The following TMCC2 variants were observed in gnomAD, a reference collection of about 807,000 sequenced individuals.
TMCC2 encodes the protein transmembrane and coiled-coil domain family 2, also known as transmembrane and coiled-coil domains protein 2.
Under a neutral mutation model 49.4 loss-of-function variants are expected in TMCC2, and 16 were observed. The observed-to-expected ratio is 0.32, with a 90% CI of 0.22 to 0.49. The LOEUF (loss-of-function observed/expected upper bound fraction) is 0.49. Ranked by LOEUF, TMCC2 falls within the 20% of genes least tolerant of loss-of-function variation. TMCC2 has a pLI of 0.99. For missense variants in TMCC2, 762 were observed against 989.8 expected (o/e 0.77, Z 3.09); for synonymous variants, 397 against 434.1 (o/e 0.91, Z 1.06).
chr1:205,232,959 A>C (rs868416960), intron 1 of TMCC2, among the ~76,000 whole-genome samples: 2,114 of 116,204 alleles, frequency 0.018, 41 homozygotes, highest in East Asian at 0.065. Flanking sequence ...AAAAAAAAAA[A>C]ACACAAAAAA....
chr1:205,256,193 C>T (rs868694858), intron 2 of TMCC2: 2 of 1,456,902 alleles, frequency 1.4e-6, no homozygotes, highest in Non-Finnish European at 1.8e-6. Context: ...GAGTTCCTCA[C>T]CAGACTCAAG....
intron 2 of TMCC2, among the ~76,000 whole-genome samples, chr1:205,258,141 C>T (rs1026940865): frequency 6.6e-6 from 1 of 152,090 alleles, no homozygotes; most frequent in African/African-American, 2.4e-5. Flanking sequence ...GAAGCCTCTA[C>T]CTGGTGTCAG....
rs758271157 is a variant in TMCC2, at chr1:205,241,947, G to A, written c.650G>A (p.Arg217His). The A allele has an allele frequency of 1.4e-5, 23 of 1,611,328 alleles. No individual in the cohort carries two copies. The highest frequency in any genetic ancestry group is 2.2e-5 in the East Asian group (1 of 44,844). The change falls in exon 2 of 5, where the codon CGT (arginine) becomes CAT (histidine). Residue 217 changes from arginine to histidine, a missense_variant. Arg to His is a conservative substitution (Grantham distance 29). This residue lies in a region of TMCC2 where 322 missense variants were observed against 353.1 expected (regional missense o/e 0.91). Coordinates refer to ENST00000358024, the MANE Select transcript of TMCC2 (RefSeq NM_014858.4). The surrounding 1 kb of genome is among the most constrained non-coding windows in gnomAD (Gnocchi z 7.3). ...GCCATCCTGCACCAGCACCAGTGCC[G>A]TCCCCGCTCTTCCTCCACCACCGAC... Reference protein sequence around the residue: ...LAAILHQHQCRPRSSSTTDTA... With the variant: ...LAAILHQHQCHPRSSSTTDTA...
intron 2 of TMCC2, among the ~76,000 whole-genome samples, chr1:205,244,636 C>T (rs1660390075): frequency 6.6e-6 from 1 of 152,036 alleles, no homozygotes; most frequent in African/African-American, 2.4e-5. Flanking sequence ...CTCTAGTGGT[C>T]CTAGCCAGAG....
At position 205,269,442 on chromosome 1, in the gene TMCC2, TCA is replaced by T. The variant is rs2102614843; in HGVS notation, c.1243_1244del (p.Gln415GlyfsTer25). 6.2e-7 allele frequency: 1 copy of T among 1,606,116 alleles called. No individual in the cohort carries two copies. Among genetic ancestry groups the T allele is most frequent in the Non-Finnish European group, 8.5e-7 (1 of 1,174,576 alleles). Reference protein sequence around the residue: ...EGVKGSLSGLSQATHTAVVSK... With the variant: ...EGVKGSLSGLXQATHTAVVSK... ...CGTCAAGGGCAGCCTCTCTGGCCTC[TCA>T]CAGGCCACCCACACCGCCGTGGTGT... On this transcript the variant is annotated frameshift_variant, in exon 3 of 5. Coordinates refer to ENST00000358024, the MANE Select transcript of TMCC2 (RefSeq NM_014858.4). LOFTEE classifies it high-confidence loss of function.
At chr1:205,259,344 G>A (rs976393158) in intron 2 of TMCC2, among the ~76,000 whole-genome samples, 5 of 152,184 alleles carry the variant, frequency 3.3e-5, no homozygotes, top group Non-Finnish European at 7.3e-5. Flanking sequence ...GCCTGCCTCA[G>A]AGGGAGGAGG....
intron 1 of TMCC2, among the ~76,000 whole-genome samples, chr1:205,240,655 G>C (rs1660228802): frequency 6.6e-6 from 1 of 152,186 alleles, no homozygotes; most frequent in African/African-American, 2.4e-5. Flanking sequence ...AGACCTTCAA[G>C]TTCCCAGGCC....
At chr1:205,255,006 G>A (rs1387104821) in intron 2 of TMCC2, among the ~76,000 whole-genome samples, 2 of 152,148 alleles carry the variant, frequency 1.3e-5, no homozygotes, top group Non-Finnish European at 2.9e-5. Flanking sequence ...GTGCCCAGGA[G>A]TTCAAGGTCA....
rs142386286 is a variant in TMCC2 at position 205,252,330 on chromosome 1, C to A, written c.747+10286C>A. On this transcript the variant is annotated intron_variant, in intron 2 of 4. Transcript: ENST00000358024. ...GTGTGTGCATGTGGGTGCTGCCCTGCAGCTTCCTCCACTCTGGCCTGATCT... is the reference window on the plus strand; with the variant it reads ...GTGTGTGCATGTGGGTGCTGCCCTGAAGCTTCCTCCACTCTGGCCTGATCT... Among the ~76,000 whole-genome samples the A allele has an allele frequency of 4.8e-4, 73 of 152,364 alleles. 1 individual carries two copies. In the East Asian group the frequency reaches 0.011, roughly 23 times the overall value.
chr1:205,265,714 C>A (rs1661295992), intron 2 of TMCC2, among the ~76,000 whole-genome samples: 1 of 151,762 alleles, frequency 6.6e-6, no homozygotes, highest in Non-Finnish European at 1.5e-5. Flanking sequence ...GCGTCCGCCA[C>A]CACGCCCAGC....
chr1:205,259,366 A>C (rs748233931), intron 2 of TMCC2, among the ~76,000 whole-genome samples: 2 of 152,194 alleles, frequency 1.3e-5, no homozygotes, highest in African/African-American at 4.8e-5. Flanking sequence ...TCAGAGGTAC[A>C]GCTTTCTCGT....
Position 205,241,813 on chromosome 1 carries a change from G to A in TMCC2, c.516G>A (p.Gly172=). Residue 172 remains glycine, a synonymous_variant, in exon 2 of 5, where the codon GGG becomes GGA. Transcript: ENST00000358024. The surrounding 1 kb of genome is among the most constrained non-coding windows in gnomAD (Gnocchi z 7.3). ...GCGCCAGCCTGCACAGCAGCAGTGG[G>A]GGCGGCAGCAGCGGGAGCAGCAGCC... is the stretch of plus-strand genomic sequence containing the variant. ...KRGASLHSSS[G]GGSSGSSSRR... is the part of the protein sequence containing the mutation. 1 of 1,604,976 alleles carries A rather than the reference G, an allele frequency of 6.2e-7. No homozygotes were observed. The highest frequency in any genetic ancestry group is 8.5e-7 in the Non-Finnish European group (1 of 1,176,802).
Position 205,269,673 on chromosome 1 carries a change from A to G in TMCC2, c.1471A>G (p.Ser491Gly). 4.3e-6 allele frequency: 7 copies of G among 1,613,954 alleles called. No homozygotes were observed. The highest frequency in any genetic ancestry group is 1.1e-5 in the South Asian group (1 of 91,088). The change falls in exon 3 of 5, where the codon AGC becomes GGC. Residue 491 changes from serine (S) to glycine (G), a missense_variant. By Grantham distance (56) the Ser-to-Gly change is moderately conservative. Around this residue, in one of 2 missense-constraint regions of TMCC2, gnomAD observed 440 missense variants for 636.7 expected, o/e 0.69. Transcript: ENST00000358024. Reference protein sequence around the residue: ...SASASSAGAGSNSGAGPGGAL... With the variant: ...SASASSAGAGGNSGAGPGGAL... Reference sequence around the variant, plus strand: ...CAGCGCCAGCTCAGCCGGGGCAGGCAGCAACTCTGGGGCTGGGCCTGGTGG... The same window carrying G: ...CAGCGCCAGCTCAGCCGGGGCAGGCGGCAACTCTGGGGCTGGGCCTGGTGG...
chr1:205,269,363 G>C lies in TMCC2; in HGVS notation c.1161G>C (p.Val387=), dbSNP rs1661482848. The part of the protein sequence containing the change: ...LRDMQQGLKD[V]GANVRAGISG... ...ACATGCAGCAGGGGCTGAAGGACGT[G>C]GGCGCCAACGTGCGCGCAGGCATCA... is the stretch of plus-strand genomic sequence containing the variant. The change falls in exon 3 of 5, where the codon GTG becomes GTC. Residue 387 remains valine (V), a synonymous_variant. Coordinates refer to ENST00000358024, the MANE Select transcript of TMCC2 (RefSeq NM_014858.4). The C allele has an allele frequency of 6.2e-7, 1 of 1,611,930 alleles. No homozygotes were observed. Among genetic ancestry groups the C allele is most frequent in the African/African-American group, 1.3e-5 (1 of 74,912 alleles).
At chr1:205,233,028 T>TA (rs1659871792) in intron 1 of TMCC2, among the ~76,000 whole-genome samples, 1 of 124,926 alleles carries the variant, frequency 8.0e-6, no homozygotes, top group African/African-American at 3.1e-5. Context: ...GTGTGGTAGA[T>TA]ACTTCTGAGG....
intron 1 of TMCC2, among the ~76,000 whole-genome samples, chr1:205,230,979 ATCCACCCCATCCCCCCAT>A (rs1659769463): frequency 2.0e-4 from 1 of 4,926 alleles, no homozygotes. Context: ...CCGCGCCCCC[ATCCACCCCATCCCCCCAT>A]CCCCCCCCCC....
intron 2 of TMCC2, among the ~76,000 whole-genome samples, chr1:205,258,632 G>A (rs1151786): frequency 6.6e-6 from 1 of 151,980 alleles, no homozygotes; most frequent in African/African-American, 2.4e-5. Context: ...CAGCCCCACC[G>A]GGCTATTCCT....
chr1:205,248,381 C>T (rs1324999462), intron 2 of TMCC2, among the ~76,000 whole-genome samples: 1 of 152,206 alleles, frequency 6.6e-6, no homozygotes, highest in Non-Finnish European at 1.5e-5. Context: ...TGCACTCCAG[C>T]CTGGGTGACA....
intron 1 of TMCC2, among the ~76,000 whole-genome samples, chr1:205,235,189 C>T (rs115064645): frequency 6.6e-6 from 1 of 152,024 alleles, no homozygotes; most frequent in African/African-American, 2.4e-5. Context: ...TTGCCTCCCC[C>T]CCACCCCCTC....
Sources: allele counts gnomAD v4.1 joint callset (sites outside exome capture counted in the v4.1 genomes callset), GRCh38; gene constraint gnomAD v4.1.1; regional missense constraint gnomAD v4.1.1; non-coding constraint Gnocchi (gnomAD v3.1); transcripts MANE v1.5; gene names NCBI Gene and HGNC (gene_info 2026-07-23, HGNC 2026-07-21).